ANKFN1: variants seen among roughly 807,000 people sequenced by gnomAD.
ANKFN1 encodes the protein ankyrin repeat and fibronectin type III domain containing 1.
A neutral mutation model predicts 108.7 loss-of-function variants in ANKFN1; 74 were observed. The ratio of observed to expected loss-of-function variants is 0.68; its 90% CI spans 0.56 to 0.83. The LOEUF is 0.83. Among genes scored for constraint, ANKFN1 ranks in the 40% least tolerant of loss-of-function variants. The pLI is 0.00. For missense variants in ANKFN1, 1,505 were observed against 1,382.3 expected, an observed-to-expected ratio of 1.09 and a Z score of -1.41; for synonymous variants, 547 against 516.2, an observed-to-expected ratio of 1.06 and a Z score of -0.81.
At chr17:56,100,098 T>G (rs1905612868) in intron 4 of ANKFN1, among the ~76,000 whole-genome samples, 3 of 152,182 alleles carry the variant, frequency 2.0e-5, no homozygotes, top group South Asian at 4.1e-4. Context: ...AATAATTTGA[T>G]CAAAATAATT....
intron 2 of ANKFN1, among the ~76,000 whole-genome samples, chr17:56,224,465 A>G (rs1916108440): frequency 6.6e-6 from 1 of 152,228 alleles, no homozygotes; most frequent in African/African-American, 2.4e-5. Context: ...AGGAATAGGT[A>G]TATAGAAGAT....
intron 15 of ANKFN1, among the ~76,000 whole-genome samples, chr17:56,469,288 C>T (rs1236684881): frequency 2.6e-5 from 4 of 151,310 alleles, no homozygotes; most frequent in Non-Finnish European, 5.9e-5. Context: ...AAGTCTCACA[C>T]TAGAGAGGAA....
intron 4 of ANKFN1, among the ~76,000 whole-genome samples, chr17:56,134,372 C>T (rs1907469212): frequency 6.6e-6 from 1 of 152,074 alleles, no homozygotes; most frequent in Non-Finnish European, 1.5e-5. Context: ...ACTCCATTTC[C>T]AGCCACTCTC....
intron 20 of ANKFN1, among the ~76,000 whole-genome samples, chr17:56,505,622 A>G (rs1347146989): frequency 6.6e-6 from 1 of 152,234 alleles, no homozygotes; most frequent in Non-Finnish European, 1.5e-5. Flanking sequence ...AATGAGGAAG[A>G]CAAATAGGAA....
chr17:56,300,260 C>A (rs997785127), intron 3 of ANKFN1, among the ~76,000 whole-genome samples: 1 of 152,170 alleles, frequency 6.6e-6, no homozygotes, highest in Admixed American at 6.5e-5. Flanking sequence ...ATTTCAGTTA[C>A]AGAGGTTCCA....
At chr17:56,445,047 T>G (rs967369990) in intron 10 of ANKFN1, among the ~76,000 whole-genome samples, 3 of 152,336 alleles carry the variant, frequency 2.0e-5, no homozygotes, top group African/African-American at 7.2e-5. Context: ...CTAGACTTAT[T>G]TGGACTAGGC....
intron 3 of ANKFN1, among the ~76,000 whole-genome samples, chr17:56,232,938 A>G (rs904297264): frequency 1.3e-5 from 2 of 152,234 alleles, no homozygotes; most frequent in African/African-American, 2.4e-5. Flanking sequence ...CAAGGGCTAG[A>G]TAGTCTGAAT....
chr17:56,078,357 C>T (rs74962403), intron 4 of ANKFN1, among the ~76,000 whole-genome samples: 44 of 152,238 alleles, frequency 2.9e-4, no homozygotes, highest in African/African-American at 1.1e-3. Flanking sequence ...TCTCTTATGC[C>T]TTCAGCCAGC....
intron 8 of ANKFN1, among the ~76,000 whole-genome samples, chr17:56,435,779 A>G (rs1478213736): frequency 6.6e-6 from 1 of 152,156 alleles, no homozygotes; most frequent in Non-Finnish European, 1.5e-5. Flanking sequence ...ATAAAAATTA[A>G]TTAGGCATTG....
Position 56,511,445 on chromosome 17 carries a change from CAG to C in ANKFN1, c.*179_*180del. 1.4e-6 allele frequency: 1 copy of C among 698,348 alleles called. No homozygotes were observed. The highest frequency in any genetic ancestry group is 1.8e-5 in the African/African-American group (1 of 55,676). 43.3% of individuals were successfully genotyped at this position (698,348 alleles called of 1,614,324 possible). ...TTGGAACAGAGTGGTGGGTGGAGGC[CAG>C]AGTTGCCAGTGCCATTCCCACTTCA... On this transcript the variant is annotated 3_prime_UTR_variant, in exon 21 of 21. Transcript: ENST00000682825.
chr17:56,449,102 G>C lies in ANKFN1; in HGVS notation c.1123G>C (p.Glu375Gln), dbSNP rs1410710936. The change falls in exon 11 of 21, where the codon GAG becomes CAG. Residue 375 changes from glutamate (E) to glutamine (Q), a missense_variant. Coordinates refer to ENST00000682825, the MANE Select transcript of ANKFN1 (RefSeq NM_001370326.1). ...PSNWKDYDDR[E>Q]PRHKGQSEVL... ...AGACTGGAAAGACTATGACGACAGA[G>C]AGCCCAGACACAAGGGACAGAGTGA... 1.9e-6 allele frequency: 3 copies of C among 1,613,438 alleles called. No individual in the cohort carries two copies. The highest frequency in any genetic ancestry group is 1.7e-4 in the Middle Eastern group (1 of 6,058).
intron 4 of ANKFN1, among the ~76,000 whole-genome samples, chr17:56,348,021 A>G (rs1353681091): frequency 2.0e-5 from 3 of 152,110 alleles, no homozygotes; most frequent in African/African-American, 7.2e-5. Flanking sequence ...ATGCTGAAGG[A>G]AAAAGCTAGA....
At chr17:56,411,062 GAT>G (rs373500331) in intron 8 of ANKFN1, among the ~76,000 whole-genome samples, 198 of 152,244 alleles carry the variant, frequency 1.3e-3, no homozygotes, top group African/African-American at 4.5e-3. Context: ...TTGGAATTTT[GAT>G]AGAGATTGCA....
At chr17:56,242,725 CCATTCTTGACT>C (rs1567859351) in intron 3 of ANKFN1, among the ~76,000 whole-genome samples, 88 of 152,030 alleles carry the variant, frequency 5.8e-4, no homozygotes, top group African/African-American at 1.9e-3. Flanking sequence ...ATAATGACAG[CCATTCTTGACT>C]TGTCTCGGAC....
intron 4 of ANKFN1, among the ~76,000 whole-genome samples, chr17:56,051,790 G>A (rs1052260238): frequency 7.9e-5 from 12 of 151,384 alleles, no homozygotes; most frequent in African/African-American, 2.7e-4. Context: ...CTAACAGAGA[G>A]CCAAATCATG....
At chr17:56,509,007 G>C (rs1400078972) in intron 20 of ANKFN1, among the ~76,000 whole-genome samples, 1 of 152,206 alleles carries the variant, frequency 6.6e-6, no homozygotes, top group African/African-American at 2.4e-5. Context: ...CTTCCTAATG[G>C]AGGTTATGTT....
intron 3 of ANKFN1, among the ~76,000 whole-genome samples, chr17:56,317,080 C>A (rs931676763): frequency 2.0e-5 from 3 of 152,166 alleles, no homozygotes; most frequent in African/African-American, 2.4e-5. Context: ...CAAACCAAGA[C>A]TAGCTGGGTT....
At chr17:56,227,225 A>G (rs1438807574) in intron 2 of ANKFN1, among the ~76,000 whole-genome samples, 4 of 152,140 alleles carry the variant, frequency 2.6e-5, no homozygotes, top group Non-Finnish European at 5.9e-5. Context: ...TAGGTCCAAT[A>G]AATTATGGAT....
At chr17:56,195,251 T>C (rs1178542713) in intron 1 of ANKFN1, 6 of 152,190 alleles carry the variant, frequency 3.9e-5, no homozygotes, top group Admixed American at 3.9e-4. Context: ...AAATAGAACA[T>C]TTACCATTTT....
Sources: allele counts gnomAD v4.1 joint callset (sites outside exome capture counted in the v4.1 genomes callset), GRCh38; gene constraint gnomAD v4.1.1; transcripts MANE v1.5; gene names NCBI Gene and HGNC (gene_info 2026-07-23, HGNC 2026-07-21).